The following CTNNA3 variants were observed in gnomAD, a reference collection of about 807,000 sequenced individuals.
CTNNA3 encodes the protein catenin alpha 3.
A neutral mutation model predicts 95.7 loss-of-function variants in CTNNA3; 76 were observed. The observed-to-expected ratio is 0.79, with a 90% CI of 0.66 to 0.96. The LOEUF is 0.96. Among genes scored for constraint, CTNNA3 ranks in the 40% least tolerant of loss-of-function variants. The pLI is 0.00. For synonymous variants in CTNNA3, 431 were observed against 374.4 expected (o/e 1.15, Z -1.74); for missense variants, 1,191 against 1,089.8 (o/e 1.09, Z -1.31).
chr10:66,444,170 T>C (rs965003872), intron 11 of CTNNA3, among the ~76,000 whole-genome samples: 1 of 152,166 alleles, frequency 6.6e-6, no homozygotes, highest in African/African-American at 2.4e-5. Flanking sequence ...AATATGGGAC[T>C]ATGTGAAAAG....
intron 9 of CTNNA3, among the ~76,000 whole-genome samples, chr10:66,658,973 G>A (rs1846162132): frequency 6.6e-6 from 1 of 152,090 alleles, no homozygotes; most frequent in African/African-American, 2.4e-5. Context: ...ACAGGTGTGA[G>A]CCACCATACC....
chr10:67,343,175 T>A lies in CTNNA3; in HGVS notation c.580-123305A>T, dbSNP rs189720088. On this transcript the variant is annotated intron_variant, in intron 5 of 17. Coordinates refer to ENST00000433211, the MANE Select transcript of CTNNA3 (RefSeq NM_013266.4). ...CATGTTGGCCAGGCTGGTCTCGAAC[T>A]CCTGACCTCAAGTGATCTGCCCGCC... Among the ~76,000 whole-genome samples the A allele has an allele frequency of 2.3e-3, 349 of 152,312 alleles. 2 individuals are homozygous for A. The highest frequency in any genetic ancestry group is 7.5e-3 in the African/African-American group (313 of 41,570).
At chr10:65,960,571 A>T (rs577377466) in intron 17 of CTNNA3, among the ~76,000 whole-genome samples, 14 of 152,280 alleles carry the variant, frequency 9.2e-5, no homozygotes, top group African/African-American at 3.4e-4. Context: ...GTTTTGTTAC[A>T]AGGGTATATA....
At chr10:66,069,283 T>A in intron 15 of CTNNA3, 25 bp downstream of exon 15, 1 of 1,603,680 alleles carries the variant, frequency 6.2e-7, no homozygotes, top group South Asian at 1.1e-5. Flanking sequence ...TTATGAATAT[T>A]ACACATCGTT....
chr10:66,778,933 G>A (rs944484001), intron 7 of CTNNA3, among the ~76,000 whole-genome samples: 1 of 151,940 alleles, frequency 6.6e-6, no homozygotes, highest in Non-Finnish European at 1.5e-5. Context: ...CCGAGATCGC[G>A]CCACTGCACT....
chr10:67,173,957 C>T lies in CTNNA3; in HGVS notation c.1047+6360G>A, dbSNP rs147182196. ...TGGAAGGCAAATGACAAAGGGCTCTCAGGCTTTAAGCTCTCTGGCCAAGAG... is the reference window on the plus strand; with the variant it reads ...TGGAAGGCAAATGACAAAGGGCTCTTAGGCTTTAAGCTCTCTGGCCAAGAG... On this transcript the variant is annotated intron_variant, in intron 7 of 17. Coordinates refer to ENST00000433211, the MANE Select transcript of CTNNA3 (RefSeq NM_013266.4). Among the ~76,000 whole-genome samples the T allele has an allele frequency of 5.6e-3, 848 of 152,280 alleles. 8 individuals carry two copies. The highest frequency in any genetic ancestry group is 0.017 in the Middle Eastern group (5 of 292).
intron 12 of CTNNA3, among the ~76,000 whole-genome samples, chr10:66,343,138 A>G (rs2092470193): frequency 6.6e-6 from 1 of 152,084 alleles, no homozygotes; most frequent in South Asian, 2.1e-4. Context: ...AACGTAAACT[A>G]GTACAGCCAC....
chr10:66,363,190 C>A (rs1030578380), intron 12 of CTNNA3, among the ~76,000 whole-genome samples: 10 of 152,180 alleles, frequency 6.6e-5, no homozygotes, highest in Non-Finnish European at 1.3e-4. Context: ...AATGTCTTCT[C>A]TTCAAAATAA....
chr10:65,956,244 T>A (rs568832921), intron 17 of CTNNA3, among the ~76,000 whole-genome samples: 1 of 152,204 alleles, frequency 6.6e-6, no homozygotes, highest in East Asian at 1.9e-4. Context: ...ATCCCCTTTA[T>A]CATTTTTTAT....
intron 7 of CTNNA3, among the ~76,000 whole-genome samples, chr10:67,048,268 T>C (rs925684668): frequency 1.3e-5 from 2 of 152,040 alleles, no homozygotes; most frequent in Non-Finnish European, 2.9e-5. Context: ...CTGCCCACTT[T>C]CTAGCATATC....
chr10:66,978,055 T>C (rs2394316), intron 7 of CTNNA3, among the ~76,000 whole-genome samples: 85 of 108,140 alleles, frequency 7.9e-4, no homozygotes, highest in African/African-American at 3.3e-3. Context: ...TGCACACACA[T>C]ATATATATAT....
intron 12 of CTNNA3, among the ~76,000 whole-genome samples, chr10:66,301,241 A>C (rs573048292): frequency 1.3e-5 from 2 of 152,152 alleles, no homozygotes; most frequent in East Asian, 3.9e-4. Context: ...AATTCTACCA[A>C]ACACTGAAGG....
intron 7 of CTNNA3, among the ~76,000 whole-genome samples, chr10:66,862,396 C>T (rs1228766304): frequency 2.0e-5 from 3 of 151,960 alleles, no homozygotes; most frequent in African/African-American, 7.3e-5. Context: ...TACTGTATGT[C>T]AGATAAAAAT....
intron 12 of CTNNA3, among the ~76,000 whole-genome samples, chr10:66,377,246 T>C (rs2092802504): frequency 6.6e-6 from 1 of 152,084 alleles, no homozygotes; most frequent in Non-Finnish European, 1.5e-5. Flanking sequence ...TGTTTATACA[T>C]AATAACCCAG....
At chr10:66,926,358 T>G in intron 7 of CTNNA3, 2 of 613,728 alleles carry the variant, frequency 3.3e-6, no homozygotes, top group Non-Finnish European at 5.8e-6. Context: ...AAGATTTTGA[T>G]GTTTTGCTGC....
At position 66,338,105 on chromosome 10, in the gene CTNNA3, C is replaced by G. The variant is rs148768533; in HGVS notation, c.1732+41047G>C. Among the ~76,000 whole-genome samples the G allele has an allele frequency of 5.0e-4, 76 of 152,070 alleles. 1 individual carries two copies. The highest frequency in any genetic ancestry group is 9.0e-4 in the Non-Finnish European group (61 of 67,892). ...AAATGTGGTATATCTGCACAATGGA[C>G]TATTATTCAGCCATAAAAAGGAATG... is the stretch of plus-strand genomic sequence containing the variant. On this transcript the variant is annotated intron_variant, in intron 12 of 17. Coordinates refer to ENST00000433211, the MANE Select transcript of CTNNA3 (RefSeq NM_013266.4).
intron 17 of CTNNA3, among the ~76,000 whole-genome samples, chr10:65,929,144 C>T (rs12267565): frequency 0.13 from 20,211 of 151,412 alleles, 1,468 homozygotes; most frequent in East Asian, 0.24. Context: ...TTTGTCCTTG[C>T]GATAGTTTAC....
intron 13 of CTNNA3, among the ~76,000 whole-genome samples, chr10:66,268,313 A>G (rs2091202919): frequency 6.6e-6 from 1 of 152,092 alleles, no homozygotes; most frequent in Non-Finnish European, 1.5e-5. Context: ...GACAGAAGTG[A>G]CACTCTATGA....
At chr10:66,828,960 G>A (rs1842613237) in intron 7 of CTNNA3, among the ~76,000 whole-genome samples, 1 of 152,180 alleles carries the variant, frequency 6.6e-6, no homozygotes, top group Non-Finnish European at 1.5e-5. Flanking sequence ...GGCATGTAAT[G>A]CAATACACAC....
Sources: allele counts gnomAD v4.1 joint callset (sites outside exome capture counted in the v4.1 genomes callset), GRCh38; gene constraint gnomAD v4.1.1; transcripts MANE v1.5; gene names NCBI Gene and HGNC (gene_info 2026-07-23, HGNC 2026-07-21).